Variants in CCSER1 observed in about 807,000 individuals in gnomAD.
The protein encoded by CCSER1 is serine-rich coiled-coil domain-containing protein 1.
In CCSER1, 41 loss-of-function variants were observed where a neutral mutation model predicts 82.0. The observed-to-expected ratio is 0.50, with a 90% CI of 0.39 to 0.65. The LOEUF (loss-of-function observed/expected upper bound fraction) is 0.65. Among genes scored for constraint, CCSER1 ranks in the 30% least tolerant of loss-of-function variants. The pLI is 0.00. For missense variants in CCSER1, 1,119 were observed against 1,064.2 expected, an observed-to-expected ratio of 1.05 and a Z score of -0.72; for synonymous variants, 414 against 383.9, an observed-to-expected ratio of 1.08 and a Z score of -0.92.
chr4:91,442,518 C>G lies in CCSER1; in HGVS notation c.2218-156054C>G, dbSNP rs1755245387. 6.8e-5 allele frequency among the ~76,000 whole-genome samples: 9 copies of G among 133,316 alleles called. No homozygotes were observed. The South Asian group carries it at 2.5e-3, about 36-fold the overall frequency. The allele number at this position is 133,316 out of a possible 152,430, so 87.5% of individuals were successfully genotyped here. On this transcript the variant is annotated intron_variant, in intron 10 of 10. Coordinates refer to ENST00000509176, the MANE Select transcript of CCSER1 (RefSeq NM_001145065.2). Reference sequence around the variant, plus strand: ...ACGTTAGACCTAAAACCATAAAAACCCTAGAAGAAAACCTAGGCATTACCA... The same window carrying G: ...ACGTTAGACCTAAAACCATAAAAACGCTAGAAGAAAACCTAGGCATTACCA...
intron 10 of CCSER1, among the ~76,000 whole-genome samples, chr4:91,130,402 G>A (rs1727894534): frequency 6.6e-6 from 1 of 151,764 alleles, no homozygotes; most frequent in Non-Finnish European, 1.5e-5. Flanking sequence ...TTCTCTGTGT[G>A]TCTGGATAAT....
At chr4:90,372,450 T>C (rs914299259) in intron 3 of CCSER1, among the ~76,000 whole-genome samples, 1 of 152,116 alleles carries the variant, frequency 6.6e-6, no homozygotes, top group Non-Finnish European at 1.5e-5. Context: ...GTTTAGTAGA[T>C]CATTTTTAAA....
intron 5 of CCSER1, among the ~76,000 whole-genome samples, chr4:90,545,103 T>A (rs535283149): frequency 6.6e-6 from 1 of 152,288 alleles, no homozygotes; most frequent in East Asian, 1.9e-4. Context: ...TTCAAATTTC[T>A]GGCTCTTTGG....
chr4:90,434,241 T>G (rs879266300), intron 4 of CCSER1, among the ~76,000 whole-genome samples: 21 of 152,152 alleles, frequency 1.4e-4, no homozygotes, highest in Non-Finnish European at 2.2e-4. Flanking sequence ...CAAAAATAAT[T>G]TTTGATATTT....
Position 91,603,701 on chromosome 4 carries a change from C to CTCTT in CCSER1, c.*4646_*4649dup, listed in dbSNP as rs745757287. On this transcript the variant is annotated 3_prime_UTR_variant, in exon 11 of 11. Transcript: ENST00000509176. ...ATCTTTCATTCTTTCCAAACATTAC[C>CTCTT]TCTTTAGTAAATTCGGGTTGCTATA... 1 of 152,018 alleles carries CTCTT rather than the reference C, an allele frequency of 6.6e-6. No individual in the cohort carries two copies. Among genetic ancestry groups the CTCTT allele is most frequent in the Non-Finnish European group, 1.5e-5 (1 of 67,978 alleles). The allele number at this position is 152,018 out of a possible 1,614,324, so 9.4% of individuals were successfully genotyped here. A position where few individuals can be genotyped will look rare whatever the true frequency, so the allele number is the denominator to read the frequency against.
chr4:90,831,104 G>A (rs953822454), intron 8 of CCSER1, among the ~76,000 whole-genome samples: 1 of 152,052 alleles, frequency 6.6e-6, no homozygotes, highest in African/African-American at 2.4e-5. Flanking sequence ...CTAACAAGCA[G>A]TAGGAAGGTA....
At chr4:90,391,443 G>GATAT (rs1751033313) in intron 3 of CCSER1, among the ~76,000 whole-genome samples, 1 of 36,940 alleles carries the variant, frequency 2.7e-5, no homozygotes, top group Non-Finnish European at 5.1e-5. Context: ...AATATATGGG[G>GATAT]GTATATATAT....
rs1731885353 is a variant in CCSER1 at position 91,165,048 on chromosome 4, T to G, written c.2217+79054T>G. On this transcript the variant is annotated intron_variant, in intron 10 of 10. Transcript: ENST00000509176. The stretch of plus-strand genomic sequence containing the variant: ...AGAATTTTCAGCTTTTCTGCTCTGG[T>G]TTCTCCCCATCTTTGTGGTTTTATC... 4.6e-5 allele frequency among the ~76,000 whole-genome samples: 7 copies of G among 152,342 alleles called. 1 individual carries two copies. In the South Asian group the frequency reaches 1.5e-3, roughly 32 times the overall value.
intron 10 of CCSER1, among the ~76,000 whole-genome samples, chr4:91,481,012 A>G (rs1303665941): frequency 1.3e-5 from 2 of 150,392 alleles, no homozygotes; most frequent in Non-Finnish European, 3.0e-5. Context: ...CTGATTTTAT[A>G]TCTGTTTTCC....
chr4:91,276,297 T>TA (rs1199025485), intron 10 of CCSER1, among the ~76,000 whole-genome samples: 127 of 150,116 alleles, frequency 8.5e-4, no homozygotes, highest in African/African-American at 2.9e-3. Context: ...TCTTTCCTTT[T>TA]TTTTTTTTTT....
intron 3 of CCSER1, among the ~76,000 whole-genome samples, chr4:90,389,524 T>A (rs1003842193): frequency 6.6e-6 from 1 of 152,046 alleles, no homozygotes; most frequent in Non-Finnish European, 1.5e-5. Context: ...ATTAAATGAG[T>A]TATTATTATC....
At chr4:91,257,546 A>C (rs1417991415) in intron 10 of CCSER1, among the ~76,000 whole-genome samples, 1 of 100,656 alleles carries the variant, frequency 9.9e-6, no homozygotes, top group Non-Finnish European at 1.9e-5. Context: ...TAAAATGGGC[A>C]ACTAACTGTT....
chr4:91,003,681 C>G (rs1738247687), intron 9 of CCSER1, among the ~76,000 whole-genome samples: 1 of 152,128 alleles, frequency 6.6e-6, no homozygotes, highest in South Asian at 2.1e-4. Flanking sequence ...TTGTTCTTCC[C>G]CGGCCTGTGG....
intron 9 of CCSER1, among the ~76,000 whole-genome samples, chr4:90,953,015 C>G (rs144269893): frequency 1.2e-3 from 176 of 152,000 alleles, no homozygotes; most frequent in African/African-American, 3.1e-3. Flanking sequence ...TAATATTTTG[C>G]TTTAATATTG....
At chr4:91,228,074 C>T (rs1738346700) in intron 10 of CCSER1, among the ~76,000 whole-genome samples, 2 of 151,998 alleles carry the variant, frequency 1.3e-5, no homozygotes, top group Non-Finnish European at 2.9e-5. Flanking sequence ...CACATTTACT[C>T]ACCTACCAAG....
At chr4:90,777,119 G>C (rs886981829) in intron 7 of CCSER1, among the ~76,000 whole-genome samples, 3 of 152,098 alleles carry the variant, frequency 2.0e-5, no homozygotes, top group African/African-American at 7.2e-5. Context: ...ACTTTGGGAG[G>C]TTGAGGCGGG....
In CCSER1 at chr4:90,308,854, A is replaced by T. The variant is rs1417922959; in HGVS notation, c.570A>T (p.Lys190Asn). The T allele has an allele frequency of 6.2e-7, 1 of 1,613,710 alleles. No individual in the cohort carries two copies. The highest frequency in any genetic ancestry group is 8.5e-7 in the Non-Finnish European group (1 of 1,179,832). The change falls in exon 2 of 11, where the codon AAA becomes AAT. Residue 190 changes from lysine (K) to asparagine (N), a missense_variant. Coordinates refer to ENST00000509176, the MANE Select transcript of CCSER1 (RefSeq NM_001145065.2). ...LLPKSFSSHY[K>N]FSKPVLQSQS... ...CTAAATCTTTTTCATCTCACTATAA[A>T]TTTTCTAAGCCAGTTCTACAGAGCC...
At chr4:91,354,692 C>A (rs996938550) in intron 10 of CCSER1, among the ~76,000 whole-genome samples, 2 of 152,256 alleles carry the variant, frequency 1.3e-5, no homozygotes, top group African/African-American at 4.8e-5. Flanking sequence ...CAGGGTGGTT[C>A]TTTTGGGCTG....
chr4:91,372,410 T>C (rs1468513690), intron 10 of CCSER1, among the ~76,000 whole-genome samples: 1 of 152,172 alleles, frequency 6.6e-6, no homozygotes, highest in African/African-American at 2.4e-5. Context: ...TAGAGGTAGC[T>C]CCAAGATCTA....
Sources: allele counts gnomAD v4.1 joint callset (sites outside exome capture counted in the v4.1 genomes callset), GRCh38; gene constraint gnomAD v4.1.1; transcripts MANE v1.5; gene names NCBI Gene and HGNC (gene_info 2026-07-23, HGNC 2026-07-21).